HSPG2: variants seen among roughly 807,000 people sequenced by gnomAD.
HSPG2 encodes heparan sulfate proteoglycan 2.
HSPG2 carries 278 observed loss-of-function variants against 526.6 expected under a neutral mutation model. The observed-to-expected ratio is 0.53, with a 90% confidence interval of 0.48 to 0.58. HSPG2 has a LOEUF of 0.58. Ranked by LOEUF, HSPG2 falls within the 20% of genes least tolerant of loss-of-function variation. HSPG2 has a pLI of 0.00. For synonymous variants in HSPG2, 2,465 were observed against 2,555.4 expected (o/e 0.96, Z 1.07); for missense variants, 5,354 against 6,099.5 (o/e 0.88, Z 4.07).
Position 21,843,463 on chromosome 1 carries a change from G to A in HSPG2, c.8617-25C>T, listed in dbSNP as rs749893838. On this transcript the variant is annotated intron_variant, in intron 65 of 96. Coordinates refer to ENST00000374695, the MANE Select transcript of HSPG2 (RefSeq NM_005529.7). Reference sequence around the variant, plus strand: ...CCTGGCCAAGGTGGGGTGAGAGCGGGGAGGGTGAGCTGGGAGCCTTCAGAT... The same window carrying A: ...CCTGGCCAAGGTGGGGTGAGAGCGGAGAGGGTGAGCTGGGAGCCTTCAGAT... 1.3e-5 allele frequency: 21 copies of A among 1,601,380 alleles called. No homozygotes were observed. In the South Asian group the frequency reaches 2.2e-4, roughly 17 times the overall value.
chr1:21,887,387 C>T lies in HSPG2; in HGVS notation c.958+33G>A, dbSNP rs984496248. The T allele has an allele frequency of 2.5e-6, 4 of 1,613,948 alleles. No individual in the cohort carries two copies. The highest frequency in any genetic ancestry group is 3.4e-6 in the Non-Finnish European group (4 of 1,179,932). ...ATCCTCCCGGGCCAGCTTCCTGCTCCCCGCACCCACCTGCACCCCTGCCGG... is the reference window on the plus strand; with the variant it reads ...ATCCTCCCGGGCCAGCTTCCTGCTCTCCGCACCCACCTGCACCCCTGCCGG... On this transcript the variant is annotated intron_variant, in intron 8 of 96. Transcript: ENST00000374695. The surrounding 1 kb of genome is among the most constrained non-coding windows in gnomAD (Gnocchi z 5.0).
In HSPG2 at chr1:21,895,573, G is replaced by A. The variant is rs546276886; in HGVS notation, c.244+349C>T. On this transcript the variant is annotated intron_variant, in intron 3 of 96. Transcript: ENST00000374695. This position sits in a 1 kb window ranked among gnomAD's most constrained non-coding sequence, Gnocchi z 4.1. ...ATCCCCAGCTCTGTGCCCCCAGGAGGGCTCTGGGGAAGGACTCAACAGCTG... is the reference window on the plus strand; with the variant it reads ...ATCCCCAGCTCTGTGCCCCCAGGAGAGCTCTGGGGAAGGACTCAACAGCTG... 9.9e-5 allele frequency among the ~76,000 whole-genome samples: 15 copies of A among 152,264 alleles called. No homozygotes were observed. The highest frequency in any genetic ancestry group is 2.9e-4 in the African/African-American group (12 of 41,560).
chr1:21,865,662 C>T lies in HSPG2; in HGVS notation c.4314+55G>A. 4 of 1,385,266 alleles carry T rather than the reference C, an allele frequency of 2.9e-6. No individual in the cohort carries two copies. The highest frequency in any genetic ancestry group is 4.1e-6 in the Non-Finnish European group (4 of 972,054). 85.8% of individuals were successfully genotyped at this position (1,385,266 alleles called of 1,614,324 possible). A position where few individuals can be genotyped will look rare whatever the true frequency, so the allele number is the denominator to read the frequency against. On this transcript the variant is annotated intron_variant, in intron 34 of 96. Transcript: ENST00000374695. This position sits in a 1 kb window ranked among gnomAD's most constrained non-coding sequence, Gnocchi z 5.4. ...GGACAAAGGACAAATGCCGAGGGTG[C>T]CCCTGGCTTCCATCCTGCCCTTCTG...
chr1:21,895,639 C>T lies in HSPG2; in HGVS notation c.244+283G>A, dbSNP rs1557803218. Among the ~76,000 whole-genome samples, 1 of 152,222 alleles carries T rather than the reference C, an allele frequency of 6.6e-6. No individual in the cohort carries two copies. The highest frequency in any genetic ancestry group is 1.9e-4 in the East Asian group (1 of 5,194). Reference sequence around the variant, plus strand: ...TGAGAACTTTGCTTTGAATGTGAAACAGCTGACTGGCTGTCAGTCCCCAGC... The same window carrying T: ...TGAGAACTTTGCTTTGAATGTGAAATAGCTGACTGGCTGTCAGTCCCCAGC... On this transcript the variant is annotated intron_variant, in intron 3 of 96. Transcript: ENST00000374695. The surrounding 1 kb of genome is among the most constrained non-coding windows in gnomAD (Gnocchi z 4.1).
intron 3 of HSPG2, among the ~76,000 whole-genome samples, chr1:21,892,862 C>CAAAAAAAA (rs564802827): frequency 2.9e-5 from 3 of 103,906 alleles, no homozygotes; most frequent in Admixed American, 1.1e-4. Flanking sequence ...GACTCCATCT[C>CAAAAAAAA]AAAAAAAAAA....
At chr1:21,841,454 G>C in intron 70 of HSPG2, 85 bp downstream of exon 70, 3 of 1,589,808 alleles carry the variant, frequency 1.9e-6, no homozygotes, top group Non-Finnish European at 2.6e-6. Flanking sequence ...GTCAATGGTG[G>C]AAGGAGGATT....
rs1296231605 is a variant in HSPG2 at position 21,904,653 on chromosome 1, T to A, written c.64-8343A>T. Reference sequence around the variant, plus strand: ...GAAGCCACCGGGAAATGCCCTTGCCTCACCCATGTGCCAGGTGTGGCCAAG... The same window carrying A: ...GAAGCCACCGGGAAATGCCCTTGCCACACCCATGTGCCAGGTGTGGCCAAG... On this transcript the variant is annotated intron_variant, in intron 1 of 96. Coordinates refer to ENST00000374695, the MANE Select transcript of HSPG2 (RefSeq NM_005529.7). This position sits in a 1 kb window ranked among gnomAD's most constrained non-coding sequence, Gnocchi z 4.4. 6.6e-6 allele frequency among the ~76,000 whole-genome samples: 1 copy of A among 152,188 alleles called. No individual in the cohort carries two copies. The highest frequency in any genetic ancestry group is 1.5e-5 in the Non-Finnish European group (1 of 68,024).
At chr1:21,930,868 C>T (rs1276078635) in intron 1 of HSPG2, among the ~76,000 whole-genome samples, 1 of 152,136 alleles carries the variant, frequency 6.6e-6, no homozygotes, top group Non-Finnish European at 1.5e-5. Flanking sequence ...TAATCACATA[C>T]ATCATTTGTT....
At position 21,828,699 on chromosome 1, in the gene HSPG2, A is replaced by G; in HGVS notation, c.12237+136T>C. 3 of 1,268,698 alleles carry G rather than the reference A, an allele frequency of 2.4e-6. No individual in the cohort carries two copies. The highest frequency in any genetic ancestry group is 3.3e-6 in the Non-Finnish European group (3 of 902,940). The allele number at this position is 1,268,698 out of a possible 1,614,324, so 78.6% of individuals were successfully genotyped here. A position where few individuals can be genotyped will look rare whatever the true frequency, so the allele number is the denominator to read the frequency against. ...TACAGAGGAGGAAACTGAGGCTCAG[A>G]GGTACAGTGTCCTGGCCCAGGGCCC... On this transcript the variant is annotated intron_variant, in intron 88 of 96. Coordinates refer to ENST00000374695, the MANE Select transcript of HSPG2 (RefSeq NM_005529.7). The surrounding 1 kb of genome is among the most constrained non-coding windows in gnomAD (Gnocchi z 6.0).
chr1:21,893,069 G>C lies in HSPG2; in HGVS notation c.245-2375C>G, dbSNP rs758686443. On this transcript the variant is annotated intron_variant, in intron 3 of 96. Coordinates refer to ENST00000374695, the MANE Select transcript of HSPG2 (RefSeq NM_005529.7). This position sits in a 1 kb window ranked among gnomAD's most constrained non-coding sequence, Gnocchi z 4.3. The stretch of plus-strand genomic sequence containing the variant: ...GCTGCCCTGCACTCAGGGTAGAAGT[G>C]GGGGCTGCACACCTGACTAGCCCTG... Among the ~76,000 whole-genome samples, 24 of 152,054 alleles carry C rather than the reference G, an allele frequency of 1.6e-4. No individual in the cohort carries two copies. Among genetic ancestry groups the C allele is most frequent in the Non-Finnish European group, 2.8e-4 (19 of 68,000 alleles).
Position 21,847,060 on chromosome 1 carries a change from C to T in HSPG2, c.8164+294G>A, listed in dbSNP as rs1292242544. Among the ~76,000 whole-genome samples the T allele has an allele frequency of 1.3e-5, 2 of 152,148 alleles. No homozygotes were observed. The highest frequency in any genetic ancestry group is 2.9e-5 in the Non-Finnish European group (2 of 68,044). On this transcript the variant is annotated intron_variant, in intron 62 of 96. Transcript: ENST00000374695. This position sits in a 1 kb window ranked among gnomAD's most constrained non-coding sequence, Gnocchi z 4.1. The stretch of plus-strand genomic sequence containing the variant: ...TAAAGCACTTCTGGCATGCCAGGCA[C>T]GCTCTAAGCACATTACATGCACTAA...
In HSPG2 at chr1:21,872,035, G is replaced by C; in HGVS notation, c.4221+151C>G. The C allele has an allele frequency of 1.3e-6, 1 of 744,950 alleles. No individual in the cohort carries two copies. Among genetic ancestry groups the C allele is most frequent in the Non-Finnish European group, 2.3e-6 (1 of 438,500 alleles). The allele number at this position is 744,950 out of a possible 1,614,324, so 46.1% of individuals were successfully genotyped here. On this transcript the variant is annotated intron_variant, in intron 33 of 96. Transcript: ENST00000374695. The surrounding 1 kb of genome is among the most constrained non-coding windows in gnomAD (Gnocchi z 5.5). Reference sequence around the variant, plus strand: ...GTCTGGCTGGCAAGCGGCAGAGCTGGGGTTCAGACCAATGTCTATGGGACT... The same window carrying C: ...GTCTGGCTGGCAAGCGGCAGAGCTGCGGTTCAGACCAATGTCTATGGGACT...
At position 21,864,762 on chromosome 1, in the gene HSPG2, A is replaced by G; in HGVS notation, c.4626+81T>C. 1 of 1,177,244 alleles carries G rather than the reference A, an allele frequency of 8.5e-7. No homozygotes were observed. The highest frequency in any genetic ancestry group is 1.3e-5 in the South Asian group (1 of 76,956). The allele number at this position is 1,177,244 out of a possible 1,614,324, so 72.9% of individuals were successfully genotyped here. A position where few individuals can be genotyped will look rare whatever the true frequency, so the allele number is the denominator to read the frequency against. ...GGTCATTATAGTTATGATGGTAATC[A>G]AGGCTGCGGCGACGCCGGCTGATTT... On this transcript the variant is annotated intron_variant, in intron 36 of 96. Coordinates refer to ENST00000374695, the MANE Select transcript of HSPG2 (RefSeq NM_005529.7). This position sits in a 1 kb window ranked among gnomAD's most constrained non-coding sequence, Gnocchi z 4.8.
At chr1:21,867,015 G>T (rs1640277728) in intron 33 of HSPG2, among the ~76,000 whole-genome samples, 1 of 151,920 alleles carries the variant, frequency 6.6e-6, no homozygotes, top group East Asian at 1.9e-4. Flanking sequence ...TGACTTTCTG[G>T]CAAGTTGCAG....
In HSPG2 at chr1:21,823,120, C is replaced by G. The variant is rs1004751634; in HGVS notation, c.*196G>C. ...GCCCACTCCCATCCAACCTGCCTTGCTGGCCAGCCTTGTGGCTTTGCCCAG... is the reference window on the plus strand; with the variant it reads ...GCCCACTCCCATCCAACCTGCCTTGGTGGCCAGCCTTGTGGCTTTGCCCAG... On this transcript the variant is annotated 3_prime_UTR_variant, in exon 97 of 97. Coordinates refer to ENST00000374695, the MANE Select transcript of HSPG2 (RefSeq NM_005529.7). 1.9e-5 allele frequency: 10 copies of G among 522,446 alleles called. No individual in the cohort carries two copies. In the African/African-American group the frequency reaches 2.0e-4, roughly 10 times the overall value. The allele number at this position is 522,446 out of a possible 1,614,324, so 32.4% of individuals were successfully genotyped here.
At position 21,895,329 on chromosome 1, in the gene HSPG2, G is replaced by A. The variant is rs1642669016; in HGVS notation, c.244+593C>T. On this transcript the variant is annotated intron_variant, in intron 3 of 96. Coordinates refer to ENST00000374695, the MANE Select transcript of HSPG2 (RefSeq NM_005529.7). This position sits in a 1 kb window ranked among gnomAD's most constrained non-coding sequence, Gnocchi z 4.1. ...GACTATAAGTCCCCATCCCAGTGCTGGGCCAGTCTGACCAGGGTGGGGGCT... is the reference window on the plus strand; with the variant it reads ...GACTATAAGTCCCCATCCCAGTGCTAGGCCAGTCTGACCAGGGTGGGGGCT... 6.6e-6 allele frequency among the ~76,000 whole-genome samples: 1 copy of A among 152,164 alleles called. No homozygotes were observed. The highest frequency in any genetic ancestry group is 6.5e-5 in the Admixed American group (1 of 15,278).
rs769398764 is a variant in HSPG2, at chr1:21,855,685, A to C, written c.5702-10T>G. 1.3e-6 allele frequency: 2 copies of C among 1,581,410 alleles called. No individual in the cohort carries two copies. The highest frequency in any genetic ancestry group is 1.1e-5 in the South Asian group (1 of 87,692). Reference sequence around the variant, plus strand: ...TGGCCGCCGGGGCCCCCTGACGAGTAGACGTGGGGTCAGCACCCACCAAGC... The same window carrying C: ...TGGCCGCCGGGGCCCCCTGACGAGTCGACGTGGGGTCAGCACCCACCAAGC... On this transcript the variant is annotated splice_polypyrimidine_tract_variant and intron_variant, in intron 45 of 96. Transcript: ENST00000374695.
Position 21,847,184 on chromosome 1 carries a change from T to C in HSPG2, c.8164+170A>G, listed in dbSNP as rs12757119. Among the ~76,000 whole-genome samples, 6,181 of 152,312 alleles carry C rather than the reference T, an allele frequency of 0.041. 181 individuals carry two copies. Among genetic ancestry groups the C allele is most frequent in the South Asian group, 0.11 (511 of 4,820 alleles). ...AGTGGCTGCAAGCCACACGTGGCTA[T>C]TGAGAATTTGAAATGTTAGAAATGG... is the stretch of plus-strand genomic sequence containing the variant. On this transcript the variant is annotated intron_variant, in intron 62 of 96. Transcript: ENST00000374695. The surrounding 1 kb of genome is among the most constrained non-coding windows in gnomAD (Gnocchi z 4.1).
chr1:21,884,524 G>A lies in HSPG2; in HGVS notation c.1654+4C>T, dbSNP rs530918906. ...CCGCAGCGCTCACCCGCCCGCCAACGCACCCTTGAAGTCATCGGGTTGGTC... is the reference window on the plus strand; with the variant it reads ...CCGCAGCGCTCACCCGCCCGCCAACACACCCTTGAAGTCATCGGGTTGGTC... On this transcript the variant is annotated splice_donor_region_variant and intron_variant, in intron 13 of 96. Transcript: ENST00000374695. The A allele has an allele frequency of 1.9e-6, 3 of 1,611,040 alleles. No homozygotes were observed. Among genetic ancestry groups the A allele is most frequent in the Middle Eastern group, 2.2e-4 (1 of 4,446 alleles).
Sources: allele counts gnomAD v4.1 joint callset (sites outside exome capture counted in the v4.1 genomes callset), GRCh38; gene constraint gnomAD v4.1.1; non-coding constraint Gnocchi (gnomAD v3.1); transcripts MANE v1.5; gene names NCBI Gene and HGNC (gene_info 2026-07-23, HGNC 2026-07-21).